CLDN10: variants seen among roughly 807,000 people sequenced by gnomAD.
CLDN10 encodes claudin-10.
Under a neutral mutation model 22.9 loss-of-function variants are expected in CLDN10, and 15 were observed. The observed-to-expected ratio is 0.65, with a 90% CI of 0.44 to 1.01. The LOEUF is 1.01. CLDN10 is among the 50% of genes least tolerant of loss of function. The pLI, the probability that CLDN10 is intolerant of heterozygous loss-of-function variation, is 0.00. For missense variants in CLDN10, 247 were observed against 287.8 expected, an observed-to-expected ratio of 0.86 and a Z score of 1.03; for synonymous variants, 114 against 111.4, an observed-to-expected ratio of 1.02 and a Z score of -0.15.
chr13:95,483,828 C>G (rs1436244102), intron 1 of CLDN10, among the ~76,000 whole-genome samples: 2 of 152,106 alleles, frequency 1.3e-5, no homozygotes, highest in Non-Finnish European at 2.9e-5. Flanking sequence ...TATTTGTGTC[C>G]CTCCAAAACT....
At chr13:95,519,160 T>A (rs2043199902) in intron 1 of CLDN10, among the ~76,000 whole-genome samples, 2 of 152,204 alleles carry the variant, frequency 1.3e-5, no homozygotes, top group East Asian at 3.9e-4. Context: ...GAGCTTGGTG[T>A]ATTAGTTAAG....
At chr13:95,564,749 TTTG>T (rs1159877813) in intron 3 of CLDN10, among the ~76,000 whole-genome samples, 1 of 152,166 alleles carries the variant, frequency 6.6e-6, no homozygotes, top group Non-Finnish European at 1.5e-5. Flanking sequence ...CAACAGGAGC[TTTG>T]TTGATGAGGA....
At chr13:95,478,571 G>C (rs1477923427) in intron 1 of CLDN10, among the ~76,000 whole-genome samples, 1 of 152,158 alleles carries the variant, frequency 6.6e-6, no homozygotes, top group Admixed American at 6.5e-5. Flanking sequence ...AGGTCTGCCC[G>C]GTGGGTGGGG....
intron 1 of CLDN10, among the ~76,000 whole-genome samples, chr13:95,473,052 A>C (rs1156461416): frequency 2.0e-5 from 3 of 148,424 alleles, no homozygotes; most frequent in African/African-American, 7.4e-5. Flanking sequence ...AGGTAGAAGG[A>C]TTGTTTAAGC....
chr13:95,504,971 G>A (rs1038075382), intron 1 of CLDN10, among the ~76,000 whole-genome samples: 3 of 152,216 alleles, frequency 2.0e-5, no homozygotes, highest in Non-Finnish European at 4.4e-5. Flanking sequence ...TTTACCTTGA[G>A]CTTTAACCCT....
intron 1 of CLDN10, among the ~76,000 whole-genome samples, chr13:95,488,885 C>CT (rs1804060749): frequency 6.7e-6 from 1 of 149,520 alleles, no homozygotes; most frequent in South Asian, 2.1e-4. Flanking sequence ...GTAATGACTT[C>CT]TTTTCTTCTG....
intron 1 of CLDN10, among the ~76,000 whole-genome samples, chr13:95,435,666 GTGTGTGTGGA>G (rs2139058046): frequency 6.6e-6 from 1 of 152,204 alleles, no homozygotes; most frequent in African/African-American, 2.4e-5. Flanking sequence ...GAAAAGAAGA[GTGTGTGTGGA>G]GACCCTCTTG....
chr13:95,448,903 C>T (rs2042406947), intron 1 of CLDN10, among the ~76,000 whole-genome samples: 1 of 129,906 alleles, frequency 7.7e-6, no homozygotes, highest in Admixed American at 7.3e-5. Flanking sequence ...CCACGCCCAG[C>T]TATTTTTGTA....
chr13:95,542,599 G>A (rs2043470263), intron 1 of CLDN10, among the ~76,000 whole-genome samples: 2 of 152,148 alleles, frequency 1.3e-5, no homozygotes, highest in Admixed American at 1.3e-4. Context: ...TTGAGGTCAG[G>A]AGTTCAAGAC....
At chr13:95,487,116 T>C (rs1486229249) in intron 1 of CLDN10, among the ~76,000 whole-genome samples, 2 of 152,334 alleles carry the variant, frequency 1.3e-5, no homozygotes, top group Admixed American at 1.3e-4. Flanking sequence ...ATTAAGCACA[T>C]GCTATTCTCA....
chr13:95,452,023 G>A (rs915276061), intron 1 of CLDN10, among the ~76,000 whole-genome samples: 3 of 152,260 alleles, frequency 2.0e-5, no homozygotes, highest in Admixed American at 6.5e-5. Context: ...TTCTCAACAG[G>A]AGCCCCTTTT....
At chr13:95,532,155 T>A (rs1320107583) in intron 1 of CLDN10, among the ~76,000 whole-genome samples, 1 of 151,954 alleles carries the variant, frequency 6.6e-6, no homozygotes, top group African/African-American at 2.4e-5. Context: ...GAGAAAAAAA[T>A]TTATATACAT....
chr13:95,577,138 A>T (rs1168121274), intron 3 of CLDN10, 93 bp from the exon 4 acceptor site: 13 of 801,632 alleles, frequency 1.6e-5, no homozygotes, highest in Non-Finnish European at 2.5e-5. Flanking sequence ...AAAAAAACAT[A>T]ATAAGCATTT....
At chr13:95,509,051 G>A (rs1207106337) in intron 1 of CLDN10, among the ~76,000 whole-genome samples, 7 of 152,202 alleles carry the variant, frequency 4.6e-5, no homozygotes, top group Non-Finnish European at 7.3e-5. Context: ...GATGTCCACT[G>A]CCTAGATGAT....
intron 1 of CLDN10, among the ~76,000 whole-genome samples, chr13:95,521,975 C>T (rs2043228311): frequency 1.5e-5 from 2 of 130,986 alleles, no homozygotes; most frequent in South Asian, 4.8e-4. Context: ...AATCTTGTTT[C>T]TTTCTTTAAT....
At chr13:95,541,094 G>T (rs1174500580) in intron 1 of CLDN10, among the ~76,000 whole-genome samples, 1 of 152,210 alleles carries the variant, frequency 6.6e-6, no homozygotes, top group African/African-American at 2.4e-5. Context: ...TTAACCTGCC[G>T]AGGGACCTTC....
chr13:95,482,197 A>G (rs1044424386), intron 1 of CLDN10, among the ~76,000 whole-genome samples: 1 of 152,202 alleles, frequency 6.6e-6, no homozygotes, highest in Non-Finnish European at 1.5e-5. Flanking sequence ...CCCCATAAAT[A>G]TATACACCTA....
intron 1 of CLDN10, among the ~76,000 whole-genome samples, chr13:95,500,378 G>A (rs983426194): frequency 1.3e-5 from 2 of 152,296 alleles, no homozygotes; most frequent in Middle Eastern, 3.4e-3. Context: ...GGAGTTAGTC[G>A]CCATGCAATG....
Position 95,510,593 on chromosome 13 carries a change from T to C in CLDN10, c.215-49539T>C, listed in dbSNP as rs2043086117. Among the ~76,000 whole-genome samples the C allele has an allele frequency of 4.6e-5, 7 of 152,296 alleles. No homozygotes were observed. The South Asian group carries it at 1.2e-3, about 27-fold the overall frequency. ...TGCTTATTTATTAAGCCTTTGCTCA[T>C]TTGCCTTACCATAATCTTTTCTATA... On this transcript the variant is annotated intron_variant, in intron 1 of 4. Coordinates refer to the CLDN10 transcript ENST00000376873.
Sources: allele counts gnomAD v4.1 joint callset (sites outside exome capture counted in the v4.1 genomes callset), GRCh38; gene constraint gnomAD v4.1.1; transcripts MANE v1.5; gene names NCBI Gene and HGNC (gene_info 2026-07-23, HGNC 2026-07-21).